Variants in ADAMTSL1 observed in about 807,000 individuals in gnomAD.
The protein encoded by ADAMTSL1 is ADAMTS-like protein 1.
In ADAMTSL1, 126 loss-of-function variants were observed where a neutral mutation model predicts 201.8. The ratio of observed to expected loss-of-function variants is 0.62; its 90% CI spans 0.54 to 0.72. The LOEUF (loss-of-function observed/expected upper bound fraction) is 0.72. ADAMTSL1 is among the 30% of genes least tolerant of loss of function. The pLI, the probability that ADAMTSL1 is intolerant of heterozygous loss-of-function variation, is 0.00. For synonymous variants in ADAMTSL1, 1,121 were observed against 903.4 expected, an observed-to-expected ratio of 1.24 and a Z score of -4.32; for missense variants, 2,679 against 2,277.8, an observed-to-expected ratio of 1.18 and a Z score of -3.59.
chr9:18,137,112 G>T (rs1390222229), intron 1 of ADAMTSL1, among the ~76,000 whole-genome samples: 1 of 152,132 alleles, frequency 6.6e-6, no homozygotes, highest in Non-Finnish European at 1.5e-5. Flanking sequence ...ATACAGTCAG[G>T]GATGAAATCG....
At chr9:18,521,707 A>G (rs1009759548) in intron 2 of ADAMTSL1, among the ~76,000 whole-genome samples, 1 of 152,208 alleles carries the variant, frequency 6.6e-6, no homozygotes, top group Non-Finnish European at 1.5e-5. Context: ...ATGCTTTTAC[A>G]TAAACAAGTT....
In ADAMTSL1 at chr9:18,777,538, G is replaced by A. The variant is rs764511294; in HGVS notation, c.3309G>A (p.Gln1103=). The change falls in exon 19 of 29, where the codon CAG becomes CAA. Residue 1103 remains glutamine (Q), a synonymous_variant. Coordinates refer to ENST00000380548, the MANE Select transcript of ADAMTSL1 (RefSeq NM_001040272.6). ...TCTACAGCAAGCACCTGGTGGCCCAGCTGGCCCAGGAGATCTTCCGCAGCC... is the reference window on the plus strand; with the variant it reads ...TCTACAGCAAGCACCTGGTGGCCCAACTGGCCCAGGAGATCTTCCGCAGCC... ...RDLYSKHLVA[Q]LAQEIFRSHL... 2.3e-5 allele frequency: 37 copies of A among 1,602,894 alleles called. No individual in the cohort carries two copies. Among genetic ancestry groups the A allele is most frequent in the Non-Finnish European group, 3.0e-5 (35 of 1,175,138 alleles).
At chr9:18,305,801 C>T (rs922353305) in intron 2 of ADAMTSL1, among the ~76,000 whole-genome samples, 2 of 152,186 alleles carry the variant, frequency 1.3e-5, no homozygotes, top group Non-Finnish European at 2.9e-5. Context: ...TTGAACGTTC[C>T]TGCCTGTTGG....
At chr9:18,432,316 T>C (rs1247267591) in intron 2 of ADAMTSL1, among the ~76,000 whole-genome samples, 1 of 152,214 alleles carries the variant, frequency 6.6e-6, no homozygotes, top group East Asian at 1.9e-4. Context: ...GCCCAGCACA[T>C]AAGAAGTGCT....
intron 2 of ADAMTSL1, among the ~76,000 whole-genome samples, chr9:18,174,548 T>G (rs1331179160): frequency 1.3e-5 from 2 of 152,154 alleles, no homozygotes; most frequent in African/African-American, 4.8e-5. Context: ...TGACAAAATG[T>G]CCTTTTGATA....
At chr9:18,882,704 T>A (rs1242746536) in intron 23 of ADAMTSL1, among the ~76,000 whole-genome samples, 1 of 151,920 alleles carries the variant, frequency 6.6e-6, no homozygotes, top group Non-Finnish European at 1.5e-5. Context: ...TTGAATAAGG[T>A]GATACAGGGC....
intron 23 of ADAMTSL1, among the ~76,000 whole-genome samples, chr9:18,880,505 A>C (rs959145440): frequency 2.6e-5 from 4 of 152,226 alleles, no homozygotes; most frequent in Non-Finnish European, 5.9e-5. Context: ...AGACAGGTGC[A>C]TTGTCAATAA....
At chr9:18,058,519 T>A (rs1375712481) in intron 1 of ADAMTSL1, among the ~76,000 whole-genome samples, 1 of 152,200 alleles carries the variant, frequency 6.6e-6, no homozygotes, top group Non-Finnish European at 1.5e-5. Context: ...TCATAAATAT[T>A]GTGAGCATAT....
intron 1 of ADAMTSL1, among the ~76,000 whole-genome samples, chr9:18,148,551 A>G (rs1015448386): frequency 6.6e-6 from 1 of 152,116 alleles, no homozygotes; most frequent in Non-Finnish European, 1.5e-5. Flanking sequence ...CGAGCAAATT[A>G]CAAAGTTCTA....
intron 2 of ADAMTSL1, among the ~76,000 whole-genome samples, chr9:18,517,008 C>A (rs757453244): frequency 3.9e-5 from 6 of 152,184 alleles, no homozygotes; most frequent in African/African-American, 7.2e-5. Context: ...TAGCTCAAGG[C>A]TTGTATCAGG....
At position 18,565,804 on chromosome 9, in the gene ADAMTSL1, C is replaced by T. The variant is rs373658626; in HGVS notation, c.238-8226C>T. ...GTCTGTTTAATTTCATTTTACATAGCAGCTAGCAATCTTGCACAAATAAAT... is the reference window on the plus strand; with the variant it reads ...GTCTGTTTAATTTCATTTTACATAGTAGCTAGCAATCTTGCACAAATAAAT... On this transcript the variant is annotated intron_variant, in intron 3 of 28. Transcript: ENST00000380548. Among the ~76,000 whole-genome samples, 266 of 152,292 alleles carry T rather than the reference C, an allele frequency of 1.7e-3. 1 individual carries two copies. The highest frequency in any genetic ancestry group is 6.1e-3 in the African/African-American group (254 of 41,570).
At chr9:18,088,697 C>A (rs1228942259) in intron 1 of ADAMTSL1, among the ~76,000 whole-genome samples, 1 of 152,048 alleles carries the variant, frequency 6.6e-6, no homozygotes, top group African/African-American at 2.4e-5. Flanking sequence ...TGACCTCATA[C>A]CTATTTAGGA....
At chr9:18,656,905 A>G (rs1382401354) in intron 7 of ADAMTSL1, among the ~76,000 whole-genome samples, 1 of 152,172 alleles carries the variant, frequency 6.6e-6, no homozygotes, top group African/African-American at 2.4e-5. Context: ...CTTAAGAACC[A>G]TTAAGGACTT....
chr9:18,343,039 T>G (rs529463807), intron 2 of ADAMTSL1, among the ~76,000 whole-genome samples: 52 of 152,038 alleles, frequency 3.4e-4, no homozygotes, highest in Admixed American at 1.3e-3. Flanking sequence ...GTTTTGTTTT[T>G]TTTTTGCCAA....
At chr9:18,445,267 C>T (rs1820147616) in intron 2 of ADAMTSL1, among the ~76,000 whole-genome samples, 1 of 152,102 alleles carries the variant, frequency 6.6e-6, no homozygotes, top group Non-Finnish European at 1.5e-5. Flanking sequence ...TCTGTCACCA[C>T]CATTAAGCAT....
intron 23 of ADAMTSL1, among the ~76,000 whole-genome samples, chr9:18,885,000 A>G (rs1299423191): frequency 6.6e-6 from 1 of 152,172 alleles, no homozygotes; most frequent in Non-Finnish European, 1.5e-5. Context: ...TAACAGTATT[A>G]AGTCTCCTAA....
At chr9:18,417,317 T>G (rs550919597) in intron 2 of ADAMTSL1, among the ~76,000 whole-genome samples, 1 of 147,576 alleles carries the variant, frequency 6.8e-6, no homozygotes, top group South Asian at 2.2e-4. Context: ...GGCTGCCACT[T>G]TAAACTAGAA....
rs1031304143 is a variant in ADAMTSL1, at chr9:18,311,982, G to A, written c.207+148001G>A. 8.5e-5 allele frequency among the ~76,000 whole-genome samples: 13 copies of A among 152,304 alleles called. 1 individual carries two copies. The South Asian group carries it at 2.3e-3, about 27-fold the overall frequency. On this transcript the variant is annotated intron_variant, in intron 2 of 29. Coordinates refer to the ADAMTSL1 transcript ENST00000680146. Reference sequence around the variant, plus strand: ...TACATATCTGTTGAATGCCTTTTACGTGCTGTTCTGGGCACTAATGATAAA... The same window carrying A: ...TACATATCTGTTGAATGCCTTTTACATGCTGTTCTGGGCACTAATGATAAA...
intron 1 of ADAMTSL1, among the ~76,000 whole-genome samples, chr9:18,108,882 C>T (rs914260934): frequency 1.3e-5 from 2 of 151,894 alleles, no homozygotes; most frequent in Non-Finnish European, 2.9e-5. Context: ...TGAAATTCAC[C>T]AGCAGTTACC....
Sources: gnomAD v4.1 joint callset for allele counts (sites outside exome capture counted in the v4.1 genomes callset) on GRCh38, gnomAD v4.1.1 for gene constraint, MANE v1.5 for transcripts, NCBI Gene and HGNC (gene_info 2026-07-23, HGNC 2026-07-21) for gene names.